The following LIMD1 variants were observed in gnomAD, a reference collection of about 807,000 sequenced individuals.
LIMD1 encodes LIM domain containing 1.
Under a neutral mutation model 58.4 loss-of-function variants are expected in LIMD1, and 23 were observed. That is an observed-to-expected ratio of 0.39 (90% CI 0.28 to 0.56). The LOEUF is 0.56. LIMD1 is among the 20% of genes least tolerant of loss of function. The pLI, the probability that LIMD1 is intolerant of heterozygous loss-of-function variation, is 0.57. For synonymous variants in LIMD1, 334 were observed against 345.5 expected (o/e 0.97, Z 0.37); for missense variants, 838 against 855.5 (o/e 0.98, Z 0.25).
At position 45,677,270 on chromosome 3, in the gene LIMD1, C is replaced by A. The variant is rs1446192132; in HGVS notation, c.*211C>A. The A allele has an allele frequency of 1.9e-6, 1 of 523,472 alleles. No individual in the cohort carries two copies. The highest frequency in any genetic ancestry group is 3.4e-6 in the Non-Finnish European group (1 of 291,016). The allele number at this position is 523,472 out of a possible 1,614,324, so 32.4% of individuals were successfully genotyped here. A position where few individuals can be genotyped will look rare whatever the true frequency, so the allele number is the denominator to read the frequency against. Reference sequence around the variant, plus strand: ...ATTTTCCAAGTGCTTTTCTCTGTTGCCACATTTTCCTCAGGTTACTCAGGA... The same window carrying A: ...ATTTTCCAAGTGCTTTTCTCTGTTGACACATTTTCCTCAGGTTACTCAGGA... On this transcript the variant is annotated 3_prime_UTR_variant, in exon 8 of 8. Coordinates refer to ENST00000273317, the MANE Select transcript of LIMD1 (RefSeq NM_014240.3).
intron 1 of LIMD1, among the ~76,000 whole-genome samples, chr3:45,609,738 G>C (rs1701505394): frequency 6.6e-6 from 1 of 152,246 alleles, no homozygotes; most frequent in African/African-American, 2.4e-5. Flanking sequence ...GCAAGAGACT[G>C]AATTAGGACT....
intron 1 of LIMD1, among the ~76,000 whole-genome samples, chr3:45,625,278 G>C (rs1403697075): frequency 8.6e-5 from 13 of 152,040 alleles, no homozygotes. Context: ...GAGAAAGTTA[G>C]GTCAGCCTGA....
chr3:45,601,843 A>G (rs549567322), intron 1 of LIMD1, among the ~76,000 whole-genome samples: 2 of 151,596 alleles, frequency 1.3e-5, no homozygotes, highest in East Asian at 1.9e-4. Context: ...GATGCCTTCT[A>G]TTGCCCCTCC....
At chr3:45,607,221 G>A (rs1490830329) in intron 1 of LIMD1, among the ~76,000 whole-genome samples, 1 of 152,132 alleles carries the variant, frequency 6.6e-6, no homozygotes, top group Non-Finnish European at 1.5e-5. Context: ...ACTTGCCAGC[G>A]AATATTTATA....
At chr3:45,634,515 A>G (rs1206092330) in intron 1 of LIMD1, among the ~76,000 whole-genome samples, 5 of 152,238 alleles carry the variant, frequency 3.3e-5, no homozygotes, top group Non-Finnish European at 7.3e-5. Flanking sequence ...TGCAGGAGGC[A>G]GTAACATGAT....
intron 2 of LIMD1, among the ~76,000 whole-genome samples, chr3:45,638,001 T>G (rs1032137917): frequency 2.9e-5 from 4 of 138,548 alleles, no homozygotes; most frequent in African/African-American, 1.1e-4. Context: ...TATGTTGCAC[T>G]CTGTAAGTTG....
intron 2 of LIMD1, among the ~76,000 whole-genome samples, chr3:45,649,576 G>A (rs1379665813): frequency 6.0e-5 from 9 of 150,306 alleles, no homozygotes; most frequent in South Asian, 2.1e-4. Context: ...AGCTACTGGC[G>A]AGGCTGAGGC....
chr3:45,631,184 C>T (rs887292977), intron 1 of LIMD1, among the ~76,000 whole-genome samples: 1 of 151,832 alleles, frequency 6.6e-6, no homozygotes, highest in Non-Finnish European at 1.5e-5. Context: ...GCCTGGATGA[C>T]AGAGTGAGAC....
At chr3:45,673,833 C>A in intron 6 of LIMD1, 1 of 338,740 alleles carries the variant, frequency 3.0e-6, no homozygotes, top group Non-Finnish European at 5.5e-6. Flanking sequence ...GAGGCTGCAG[C>A]GAGCTATGAT....
intron 1 of LIMD1, among the ~76,000 whole-genome samples, chr3:45,627,159 T>G (rs1701675369): frequency 6.6e-6 from 1 of 152,116 alleles, no homozygotes; most frequent in Non-Finnish European, 1.5e-5. Flanking sequence ...GGCTTGGCCT[T>G]CATCTCCTAG....
chr3:45,669,902 TA>T (rs1181751248), intron 4 of LIMD1, among the ~76,000 whole-genome samples: 1 of 152,224 alleles, frequency 6.6e-6, no homozygotes, highest in East Asian at 1.9e-4. Flanking sequence ...TTGATGGACA[TA>T]AACACTCATT....
Position 45,672,692 on chromosome 3 carries a change from C to A in LIMD1, c.1644C>A (p.Ile548=). Residue 548 remains isoleucine, a splice_region_variant and synonymous_variant, in exon 5 of 8, where the codon ATC becomes ATA. Transcript: ENST00000273317. ...CTGAGTCTTGGTCTCTGCTCCAGAT[C>A]CTGCAAGCCCTGGGGAAGTCCTACC... ...FLCGHLIMDM[I]LQALGKSYHP... 1.2e-6 allele frequency: 2 copies of A among 1,613,704 alleles called. No homozygotes were observed. Among genetic ancestry groups the A allele is most frequent in the African/African-American group, 1.3e-5 (1 of 75,042 alleles).
intron 1 of LIMD1, among the ~76,000 whole-genome samples, chr3:45,613,595 T>C (rs1365220472): frequency 1.3e-5 from 2 of 149,908 alleles, no homozygotes; most frequent in Middle Eastern, 3.2e-3. Context: ...TTTTTTTTTT[T>C]CATTTTTGGC....
chr3:45,683,531 CTGAT>C lies in LIMD1; in HGVS notation c.*6475_*6478del, dbSNP rs1260671373. On this transcript the variant is annotated 3_prime_UTR_variant, in exon 8 of 8. Transcript: ENST00000273317. ...GAGTATAACTTTGTAACTTCAGCCT[CTGAT>C]TGGGCGTTTTACACAACCAGTCAGA... The C allele has an allele frequency of 1.3e-5, 2 of 152,146 alleles. No homozygotes were observed. Among genetic ancestry groups the C allele is most frequent in the Admixed American group, 6.5e-5 (1 of 15,276 alleles). The allele number at this position is 152,146 out of a possible 1,614,324, so 9.4% of individuals were successfully genotyped here.
Position 45,654,657 on chromosome 3 carries a change from C to T in LIMD1, c.1511-10993C>T, listed in dbSNP as rs139060570. On this transcript the variant is annotated intron_variant, in intron 2 of 7. Transcript: ENST00000273317. The stretch of plus-strand genomic sequence containing the variant: ...CAGCCTGGGCAACATGGTGAAACCC[C>T]GTCTCTACTAAAAATACACACAAAA... Among the ~76,000 whole-genome samples the T allele has an allele frequency of 1.1e-3, 171 of 151,598 alleles. 1 individual carries two copies. Among genetic ancestry groups the T allele is most frequent in the African/African-American group, 3.8e-3 (157 of 41,324 alleles).
intron 2 of LIMD1, among the ~76,000 whole-genome samples, chr3:45,665,010 C>G (rs1300983630): frequency 6.6e-6 from 1 of 151,988 alleles, no homozygotes; most frequent in Non-Finnish European, 1.5e-5. Flanking sequence ...ATGAGAGGGA[C>G]TGATAAAGGA....
At chr3:45,624,165 G>A (rs967761639) in intron 1 of LIMD1, among the ~76,000 whole-genome samples, 1 of 152,200 alleles carries the variant, frequency 6.6e-6, no homozygotes, top group African/African-American at 2.4e-5. Flanking sequence ...GTTCCAGGCT[G>A]ATCTTTCTAG....
chr3:45,607,036 C>T (rs527449039), intron 1 of LIMD1, among the ~76,000 whole-genome samples: 85 of 152,256 alleles, frequency 5.6e-4, no homozygotes, highest in African/African-American at 2.0e-3. Context: ...TCAAGTGATC[C>T]ACCCGCCTTG....
chr3:45,608,071 T>C (rs1171914469), intron 1 of LIMD1, among the ~76,000 whole-genome samples: 1 of 152,260 alleles, frequency 6.6e-6, no homozygotes, highest in Non-Finnish European at 1.5e-5. Flanking sequence ...CTGCTGGCCA[T>C]GGCTAGGTTC....
Sources: gnomAD v4.1 joint callset for allele counts (sites outside exome capture counted in the v4.1 genomes callset) on GRCh38, gnomAD v4.1.1 for gene constraint, MANE v1.5 for transcripts, NCBI Gene and HGNC (gene_info 2026-07-23, HGNC 2026-07-21) for gene names.